IL1RAPL1: variants seen among roughly 807,000 people sequenced by gnomAD.
IL1RAPL1 encodes interleukin 1 receptor accessory protein like 1.
A neutral mutation model predicts 48.4 loss-of-function variants in IL1RAPL1; 3 were observed. That is an observed-to-expected ratio of 0.06 (90% CI 0.03 to 0.16). The LOEUF is 0.16. IL1RAPL1 is among the 10% of genes least tolerant of loss of function. The probability of loss-of-function intolerance (pLI) is 1.00; values close to 1 mark genes in which losing one functional copy is unlikely to be tolerated. For missense variants in IL1RAPL1, 349 were observed against 530.6 expected (o/e 0.66, Z 3.36); for synonymous variants, 185 against 187.7 (o/e 0.99, Z 0.12).
chrX:29,047,111 A>C (rs1252742750), intron 2 of IL1RAPL1, among the ~76,000 whole-genome samples: 2 of 112,476 alleles, frequency 1.8e-5, no homozygotes, highest in South Asian at 3.7e-4. Context: ...AAGTAAAAAA[A>C]TAAAAATTGG....
At chrX:29,612,333 A>G (rs1416872971) in intron 5 of IL1RAPL1, among the ~76,000 whole-genome samples, 2 of 110,699 alleles carry the variant, frequency 1.8e-5, no homozygotes, top group Non-Finnish European at 3.8e-5. Flanking sequence ...GCAAAATGAC[A>G]CACAATTTTG....
At chrX:29,015,057 G>A (rs955085217) in intron 2 of IL1RAPL1, among the ~76,000 whole-genome samples, 1 of 110,867 alleles carries the variant, frequency 9.0e-6, no homozygotes, top group Non-Finnish European at 1.9e-5. Flanking sequence ...TCTAAAAAAG[G>A]GAGCAACCAC....
chrX:28,627,383 T>C (rs1179426314), intron 1 of IL1RAPL1, among the ~76,000 whole-genome samples: 1 of 111,893 alleles, frequency 8.9e-6, no homozygotes, highest in Non-Finnish European at 1.9e-5. Context: ...CGCTCGCTAA[T>C]GCAGCTCTTC....
intron 2 of IL1RAPL1, among the ~76,000 whole-genome samples, chrX:28,816,617 A>ACC (rs1936874465): frequency 9.0e-6 from 1 of 111,264 alleles, no homozygotes; most frequent in Non-Finnish European, 1.9e-5. Flanking sequence ...CATGGTATGT[A>ACC]ACATTTTCTT....
intron 6 of IL1RAPL1, among the ~76,000 whole-genome samples, chrX:29,790,685 C>T (rs1472424027): frequency 2.7e-5 from 3 of 111,633 alleles, no homozygotes; most frequent in African/African-American, 9.8e-5. Context: ...ATATCTAATC[C>T]ATCAATTCCT....
chrX:29,846,392 C>T (rs1479997240), intron 6 of IL1RAPL1, among the ~76,000 whole-genome samples: 2 of 111,492 alleles, frequency 1.8e-5, no homozygotes, highest in African/African-American at 6.5e-5. Context: ...CCAAAGAGGA[C>T]GGAAGAAATA....
At chrX:28,649,912 C>A (rs1283262323) in intron 1 of IL1RAPL1, among the ~76,000 whole-genome samples, 1 of 111,952 alleles carries the variant, frequency 8.9e-6, no homozygotes, top group Non-Finnish European at 1.9e-5. Flanking sequence ...ACTCTCCAAT[C>A]TTAACCACAA....
At chrX:29,391,771 G>A (rs1241960046) in intron 3 of IL1RAPL1, among the ~76,000 whole-genome samples, 4 of 111,537 alleles carry the variant, frequency 3.6e-5, no homozygotes, top group Non-Finnish European at 7.5e-5. Context: ...GGTATATAGC[G>A]TCTATGTGTG....
intron 2 of IL1RAPL1, among the ~76,000 whole-genome samples, chrX:28,950,506 A>G (rs1924428183): frequency 1.2e-5 from 1 of 86,098 alleles, no homozygotes; most frequent in African/African-American, 4.4e-5. Flanking sequence ...TGGGGATGGC[A>G]TTGAATCTGT....
At chrX:29,085,280 G>C (rs1270796389) in intron 2 of IL1RAPL1, among the ~76,000 whole-genome samples, 6 of 111,385 alleles carry the variant, frequency 5.4e-5, no homozygotes, top group Non-Finnish European at 1.1e-4. Flanking sequence ...AAACAGCTGG[G>C]AATAGTGCAT....
chrX:29,768,966 A>G (rs901304270), intron 6 of IL1RAPL1, among the ~76,000 whole-genome samples: 15 of 111,471 alleles, frequency 1.3e-4, no homozygotes, highest in African/African-American at 4.6e-4. Context: ...ATGAGGTCCA[A>G]TATGGCCTCC....
At chrX:29,300,675 C>T (rs1363751045) in intron 3 of IL1RAPL1, among the ~76,000 whole-genome samples, 1 of 111,978 alleles carries the variant, frequency 8.9e-6, no homozygotes, top group Non-Finnish European at 1.9e-5. Context: ...CTTGTTGACA[C>T]AGTGTAGAAA....
chrX:29,550,379 A>C (rs1288411011), intron 5 of IL1RAPL1, among the ~76,000 whole-genome samples: 1 of 110,596 alleles, frequency 9.0e-6, no homozygotes, highest in Non-Finnish European at 1.9e-5. Flanking sequence ...TATTTTTAGT[A>C]GAGACGGGGT....
chrX:29,681,391 G>A (rs1926444416), intron 6 of IL1RAPL1, among the ~76,000 whole-genome samples: 1 of 112,244 alleles, frequency 8.9e-6, no homozygotes, highest in South Asian at 3.7e-4. Context: ...GAAGCAAGGA[G>A]TTTAGAGCAG....
intron 2 of IL1RAPL1, among the ~76,000 whole-genome samples, chrX:28,841,283 T>C (rs1328440218): frequency 8.1e-5 from 9 of 110,758 alleles, no homozygotes; most frequent in Non-Finnish European, 1.9e-5. Context: ...TCTTATACCA[T>C]AATGCATAAC....
intron 2 of IL1RAPL1, among the ~76,000 whole-genome samples, chrX:29,197,683 C>G (rs997644816): frequency 1.9e-5 from 2 of 104,637 alleles, no homozygotes; most frequent in African/African-American, 3.6e-5. Flanking sequence ...TTTCTTAGTT[C>G]TTTAAGGAGG....
intron 2 of IL1RAPL1, among the ~76,000 whole-genome samples, chrX:29,060,188 T>C (rs1927310669): frequency 8.9e-6 from 1 of 111,936 alleles, no homozygotes; most frequent in Admixed American, 9.5e-5. Context: ...CATTGTATAT[T>C]TTATTATAGC....
At chrX:28,778,678 A>AT (rs373285410) in intron 1 of IL1RAPL1, among the ~76,000 whole-genome samples, 2 of 111,699 alleles carry the variant, frequency 1.8e-5, no homozygotes, top group South Asian at 3.7e-4. Flanking sequence ...CATTTACAGT[A>AT]TTTTTTCTTG....
At chrX:29,503,957 C>CT (rs369285020) in intron 5 of IL1RAPL1, among the ~76,000 whole-genome samples, 36,341 of 94,581 alleles carry the variant, frequency 0.38, 6,175 homozygotes, top group East Asian at 0.68. Flanking sequence ...AGCCTGAATC[C>CT]TTTTTTTTTT....
Sources: gnomAD v4.1 joint callset for allele counts (sites outside exome capture counted in the v4.1 genomes callset) on GRCh38, gnomAD v4.1.1 for gene constraint, MANE v1.5 for transcripts, NCBI Gene and HGNC (gene_info 2026-07-23, HGNC 2026-07-21) for gene names.